FLT1: variants seen among roughly 807,000 people sequenced by gnomAD.
The protein encoded by FLT1 is fms related receptor tyrosine kinase 1.
Under a neutral mutation model 156.3 loss-of-function variants are expected in FLT1, and 49 were observed. The ratio of observed to expected loss-of-function variants is 0.31; its 90% CI spans 0.25 to 0.40. The LOEUF is 0.40. Among genes scored for constraint, FLT1 ranks in the 10% least tolerant of loss-of-function variants. The pLI, the probability that FLT1 is intolerant of heterozygous loss-of-function variation, is 1.00. For synonymous variants in FLT1, 594 were observed against 583.8 expected, an observed-to-expected ratio of 1.02 and a Z score of -0.25; for missense variants, 1,322 against 1,637.2, an observed-to-expected ratio of 0.81 and a Z score of 3.32.
chr13:28,412,307 C>CTTTCTTTCTTTCTTTCTTTCTT (rs1320043849), intron 10 of FLT1, among the ~76,000 whole-genome samples: 4 of 53,630 alleles, frequency 7.5e-5, no homozygotes, highest in South Asian at 8.6e-4. Flanking sequence ...TTTTCTCTTT[C>CTTTCTTTCTTTCTTTCTTTCTT]TCTTTCTTTC....
intron 1 of FLT1, among the ~76,000 whole-genome samples, chr13:28,476,798 C>T (rs180843531): frequency 1.1e-4 from 16 of 152,316 alleles, no homozygotes; most frequent in African/African-American, 3.1e-4. Flanking sequence ...ATTGGCACTT[C>T]TCCGCAATTA....
chr13:28,482,210 CTG>C (rs1880895523), intron 1 of FLT1, among the ~76,000 whole-genome samples: 1 of 152,094 alleles, frequency 6.6e-6, no homozygotes, highest in African/African-American at 2.4e-5. Flanking sequence ...TCCCAACACT[CTG>C]GGAGGCCAAG....
chr13:28,307,661 T>TG (rs982782287), intron 28 of FLT1, among the ~76,000 whole-genome samples: 2 of 151,704 alleles, frequency 1.3e-5, no homozygotes, highest in African/African-American at 4.8e-5. Flanking sequence ...TTTTTGATTT[T>TG]TTTTTTTTTA....
At chr13:28,368,411 C>CA in intron 14 of FLT1, 2 of 1,416,540 alleles carry the variant, frequency 1.4e-6, no homozygotes, top group South Asian at 3.0e-5. Flanking sequence ...CTTGGCCTCC[C>CA]AAAGTGCTGG....
intron 10 of FLT1, among the ~76,000 whole-genome samples, chr13:28,413,939 C>G (rs968151197): frequency 2.6e-5 from 4 of 152,200 alleles, no homozygotes; most frequent in Non-Finnish European, 5.9e-5. Flanking sequence ...ATCGTAGTCA[C>G]AGAAGATTGC....
intron 14 of FLT1, among the ~76,000 whole-genome samples, chr13:28,362,705 T>C (rs1287970398): frequency 1.3e-5 from 2 of 152,112 alleles, no homozygotes; most frequent in African/African-American, 4.8e-5. Context: ...GCACCATGAG[T>C]AAATAAAGTT....
In FLT1 at chr13:28,421,148, G is replaced by A. The variant is rs374548133; in HGVS notation, c.1436+6011C>T. 2.6e-5 allele frequency among the ~76,000 whole-genome samples: 4 copies of A among 152,196 alleles called. No homozygotes were observed. In the East Asian group the frequency reaches 5.8e-4, roughly 22 times the overall value. On this transcript the variant is annotated intron_variant, in intron 10 of 29. Transcript: ENST00000282397. The stretch of plus-strand genomic sequence containing the variant: ...AGATGTCACATTGTCATTGAGAATG[G>A]CGGGAAACATTATTTTCTAGTTAAC...
chr13:28,345,514 T>C lies in FLT1; in HGVS notation c.2286A>G (p.Leu762=), dbSNP rs763202983. 1 of 1,613,062 alleles carries C rather than the reference T, an allele frequency of 6.2e-7. No homozygotes were observed. The highest frequency in any genetic ancestry group is 2.2e-5 in the East Asian group (1 of 44,876). Residue 762 remains leucine, a synonymous_variant, in exon 16 of 30, where the codon CTA becomes CTG. Coordinates refer to ENST00000282397, the MANE Select transcript of FLT1 (RefSeq NM_002019.4). ...SDKSNLELIT[L]TCTCVAATLF... Reference sequence around the variant, plus strand: ...GAGTCGCAGCCACACAGGTGCATGTTAGAGTGATCAGCTCCAGATTAGACT... The same window carrying C: ...GAGTCGCAGCCACACAGGTGCATGTCAGAGTGATCAGCTCCAGATTAGACT...
At chr13:28,317,970 T>C (rs1593674825) in intron 24 of FLT1, among the ~76,000 whole-genome samples, 2 of 151,604 alleles carry the variant, frequency 1.3e-5, no homozygotes, top group African/African-American at 4.8e-5. Context: ...AGCTTTTGTT[T>C]TTTTTGAAGA....
intron 25 of FLT1, among the ~76,000 whole-genome samples, chr13:28,313,075 T>A (rs1477022549): frequency 6.6e-6 from 1 of 151,930 alleles, no homozygotes; most frequent in Non-Finnish European, 1.5e-5. Context: ...GGCTCCCAGG[T>A]TCAAGCGATC....
intron 15 of FLT1, among the ~76,000 whole-genome samples, chr13:28,347,837 A>T (rs189798243): frequency 6.6e-6 from 1 of 152,378 alleles, no homozygotes; most frequent in Admixed American, 6.5e-5. Context: ...TTTATGAATA[A>T]GGAAATTGAG....
Position 28,495,089 on chromosome 13 carries a change from T to G in FLT1, c.-246A>C, listed in dbSNP as rs974300701. ...GCTGCCGGGGAGGAGCCGAGAGGAG[T>G]GTCCGCCTGGCGCGCTCCGAGCCTC... On this transcript the variant is annotated 5_prime_UTR_variant, in exon 1 of 30. Coordinates refer to ENST00000282397, the MANE Select transcript of FLT1 (RefSeq NM_002019.4). The surrounding 1 kb of genome is among the most constrained non-coding windows in gnomAD (Gnocchi z 4.1). The G allele has an allele frequency of 4.4e-6, 2 of 455,930 alleles. No individual in the cohort carries two copies. The highest frequency in any genetic ancestry group is 4.5e-5 in the Admixed American group (1 of 22,298). 28.2% of individuals were successfully genotyped at this position (455,930 alleles called of 1,614,324 possible). A position where few individuals can be genotyped will look rare whatever the true frequency, so the allele number is the denominator to read the frequency against.
At chr13:28,485,627 A>G (rs957455411) in intron 1 of FLT1, among the ~76,000 whole-genome samples, 4 of 152,170 alleles carry the variant, frequency 2.6e-5, no homozygotes, top group Non-Finnish European at 4.4e-5. Flanking sequence ...GGTGTGGTCC[A>G]TTGTGAGGCT....
Position 28,313,977 on chromosome 13 carries a change from G to A in FLT1, c.3387-1879C>T, listed in dbSNP as rs186108665. 6.6e-5 allele frequency among the ~76,000 whole-genome samples: 10 copies of A among 151,072 alleles called. No homozygotes were observed. The East Asian group carries it at 9.8e-4, about 15-fold the overall frequency. ...TTTGGGAGGCCATGGTGGGACAATC[G>A]TTTGAGGTCAGGAGTTCAAGATCGT... On this transcript the variant is annotated intron_variant, in intron 25 of 29. Coordinates refer to ENST00000282397, the MANE Select transcript of FLT1 (RefSeq NM_002019.4).
intron 10 of FLT1, among the ~76,000 whole-genome samples, chr13:28,413,888 C>G (rs775267636): frequency 2.0e-5 from 3 of 152,160 alleles, no homozygotes; most frequent in Non-Finnish European, 2.9e-5. Flanking sequence ...TTATAACATC[C>G]TAGTTATGTA....
rs1278080679 is a variant in FLT1 at position 28,412,356 on chromosome 13, CTT to C, written c.1437-6464_1437-6463del. Among the ~76,000 whole-genome samples, 215 of 106,416 alleles carry C rather than the reference CTT, an allele frequency of 2.0e-3. 4 individuals carry two copies. Among genetic ancestry groups the C allele is most frequent in the African/African-American group, 6.9e-3 (200 of 29,166 alleles). The allele number at this position is 106,416 out of a possible 152,430, so 69.8% of individuals were successfully genotyped here. A position where few individuals can be genotyped will look rare whatever the true frequency, so the allele number is the denominator to read the frequency against. The stretch of plus-strand genomic sequence containing the variant: ...TTTCTTTCTTTCTTTCTTTCTCTTT[CTT>C]TCTTTCTTTCTTTCTTTCTTTCTTT... On this transcript the variant is annotated intron_variant, in intron 10 of 29. Coordinates refer to ENST00000282397, the MANE Select transcript of FLT1 (RefSeq NM_002019.4).
chr13:28,334,475 A>G (rs11617751), intron 17 of FLT1, among the ~76,000 whole-genome samples: 5,529 of 152,270 alleles, frequency 0.036, 297 homozygotes, highest in Admixed American at 0.15. Flanking sequence ...GACCAAGAAG[A>G]CTTCCCTGTG....
At chr13:28,473,673 G>GAAAGAAAGAAAGAA (rs751712799) in intron 1 of FLT1, among the ~76,000 whole-genome samples, 23 of 106,002 alleles carry the variant, frequency 2.2e-4, no homozygotes, top group African/African-American at 8.5e-4. Flanking sequence ...AAGAAAGAAA[G>GAAAGAAAGAAAGAA]AGAGAGAGAG....
intron 19 of FLT1, among the ~76,000 whole-genome samples, chr13:28,327,893 G>A (rs1871756612): frequency 6.6e-6 from 1 of 152,134 alleles, no homozygotes; most frequent in Admixed American, 6.5e-5. Context: ...AGACCCTTGC[G>A]AGTAGAGCGG....
Sources: allele counts gnomAD v4.1 joint callset (sites outside exome capture counted in the v4.1 genomes callset), GRCh38; gene constraint gnomAD v4.1.1; non-coding constraint Gnocchi (gnomAD v3.1); transcripts MANE v1.5; gene names NCBI Gene and HGNC (gene_info 2026-07-23, HGNC 2026-07-21).